Variants in LRFN1 observed in about 807,000 individuals in gnomAD.
LRFN1 encodes the protein leucine rich repeat and fibronectin type III domain containing 1, also known as leucine-rich repeat and fibronectin type III domain-containing protein 1.
In LRFN1, 20 loss-of-function variants were observed where a neutral mutation model predicts 31.8. The ratio of observed to expected loss-of-function variants is 0.63; its 90% CI spans 0.44 to 0.91. LRFN1 has a LOEUF of 0.91. LRFN1 is among the 40% of genes least tolerant of loss of function. The pLI is 0.00. For synonymous variants in LRFN1, 514 were observed against 541.3 expected (o/e 0.95, Z 0.70); for missense variants, 912 against 1,129.8 (o/e 0.81, Z 2.76).
At chr19:39,319,352 CTT>C (rs2075181009) in intron 1 of LRFN1, among the ~76,000 whole-genome samples, 1 of 152,068 alleles carries the variant, frequency 6.6e-6, no homozygotes, top group South Asian at 2.1e-4. Flanking sequence ...AGTGCACACT[CTT>C]AAATGCCTAG....
At chr19:39,320,416 G>C (rs979558697) in intron 1 of LRFN1, among the ~76,000 whole-genome samples, 1 of 151,650 alleles carries the variant, frequency 6.6e-6, no homozygotes, top group Non-Finnish European at 1.5e-5. Context: ...CAAACACCCA[G>C]AGCAGCTAGT....
chr19:39,315,396 C>T lies in LRFN1; in HGVS notation c.-37-23G>A. 7.1e-7 allele frequency: 1 copy of T among 1,400,570 alleles called. No homozygotes were observed. The allele number at this position is 1,400,570 out of a possible 1,614,324, so 86.8% of individuals were successfully genotyped here. On this transcript the variant is annotated intron_variant, in intron 3 of 4. Coordinates refer to ENST00000248668, the MANE Select transcript of LRFN1 (RefSeq NM_020862.2). The surrounding 1 kb of genome is among the most constrained non-coding windows in gnomAD (Gnocchi z 4.7). ...GACCTGCCGGGGAAGGAGCCGGTTA[C>T]CCAGGCGTGGGACTTGGCCGCCATG...
intron 1 of LRFN1, among the ~76,000 whole-genome samples, chr19:39,319,995 G>A (rs966048937): frequency 6.6e-6 from 1 of 151,876 alleles, no homozygotes; most frequent in Non-Finnish European, 1.5e-5. Context: ...GGTGGAGTGG[G>A]TGGGGAAGGG....
chr19:39,308,655 GCCGC>G lies in LRFN1; in HGVS notation c.1407-117_1407-114del. 2.1e-6 allele frequency: 2 copies of G among 952,536 alleles called. No homozygotes were observed. The highest frequency in any genetic ancestry group is 3.0e-6 in the Non-Finnish European group (2 of 658,290). 59.0% of individuals were successfully genotyped at this position (952,536 alleles called of 1,614,324 possible). ...ACTAAACCCTGCTATCGAAGTCTCA[GCCGC>G]TACTGAGACAACAGCAGCAATTCAA... On this transcript the variant is annotated intron_variant, in intron 4 of 4. Coordinates refer to ENST00000248668, the MANE Select transcript of LRFN1 (RefSeq NM_020862.2). This position sits in a 1 kb window ranked among gnomAD's most constrained non-coding sequence, Gnocchi z 6.2.
chr19:39,315,885 G>C lies in LRFN1; in HGVS notation c.-38+197C>G, dbSNP rs2145037698. Among the ~76,000 whole-genome samples, 1 of 152,268 alleles carries C rather than the reference G, an allele frequency of 6.6e-6. No homozygotes were observed. Among genetic ancestry groups the C allele is most frequent in the South Asian group, 2.1e-4 (1 of 4,826 alleles). Reference sequence around the variant, plus strand: ...AGAATACCCCTGTCCCTACTTGCGTGTCCCACCCTCACCTCTGCCCCTCCT... The same window carrying C: ...AGAATACCCCTGTCCCTACTTGCGTCTCCCACCCTCACCTCTGCCCCTCCT... On this transcript the variant is annotated intron_variant, in intron 3 of 4. Transcript: ENST00000248668. This position sits in a 1 kb window ranked among gnomAD's most constrained non-coding sequence, Gnocchi z 4.7.
At position 39,308,013 on chromosome 19, in the gene LRFN1, A is replaced by G. The variant is rs1187933272; in HGVS notation, c.1936T>C (p.Ser646Pro). The change falls in exon 5 of 5, where the codon TCG becomes CCG. Residue 646 changes from serine (S) to proline (P), a missense_variant. By Grantham distance (74) the Ser-to-Pro change is moderately conservative. This residue lies in a region of LRFN1 where 511 missense variants were observed against 557.0 expected (regional missense o/e 0.92). Coordinates refer to ENST00000248668, the MANE Select transcript of LRFN1 (RefSeq NM_020862.2). This position sits in a 1 kb window ranked among gnomAD's most constrained non-coding sequence, Gnocchi z 6.2. ...EVVLGRSLGG[S>P]ATSLCLLPSE... ...GGCAGCAGGCACAGCGAGGTGGCCG[A>G]GCCGCCCAGAGAACGTCCAAGGACC... The G allele has an allele frequency of 3.8e-6, 6 of 1,569,516 alleles. 1 individual carries two copies. In the South Asian group the frequency reaches 6.8e-5, roughly 18 times the overall value.
Position 39,314,610 on chromosome 19 carries a change from T to G in LRFN1, c.727A>C (p.Thr243Pro). ...RSQGTGPKPPTPLTVSFGGNP... is the reference protein window; with the variant it reads ...RSQGTGPKPPPPLTVSFGGNP... ...CCGCCGAAGCTGACGGTCAGCGGGG[T>G]GGGCGGCTTGGGCCCGGTGCCCTGC... is the stretch of plus-strand genomic sequence containing the variant. The change falls in exon 4 of 5, where the codon ACC becomes CCC. Residue 243 changes from threonine to proline, a missense_variant. Around this residue, in one of 2 missense-constraint regions of LRFN1, gnomAD observed 401 missense variants for 572.7 expected, o/e 0.70. Coordinates refer to ENST00000248668, the MANE Select transcript of LRFN1 (RefSeq NM_020862.2). The G allele has an allele frequency of 6.2e-7, 1 of 1,609,346 alleles. No individual in the cohort carries two copies. Among genetic ancestry groups the G allele is most frequent in the Non-Finnish European group, 8.5e-7 (1 of 1,178,026 alleles).
At chr19:39,313,859 G>C in intron 4 of LRFN1, 72 bp downstream of exon 4, 1 of 1,431,158 alleles carries the variant, frequency 7.0e-7, no homozygotes. Flanking sequence ...AAGGCCAAGG[G>C]AATGGGCAGG....
chr19:39,309,950 C>T (rs558728464), intron 4 of LRFN1, among the ~76,000 whole-genome samples: 1 of 152,232 alleles, frequency 6.6e-6, no homozygotes, highest in Non-Finnish European at 1.5e-5. Flanking sequence ...AGGCAAGTTT[C>T]TCTTTTGTTT....
rs181659895 is a variant in LRFN1, at chr19:39,307,133, C to A, written c.*500G>T. On this transcript the variant is annotated 3_prime_UTR_variant, in exon 5 of 5. Coordinates refer to ENST00000248668, the MANE Select transcript of LRFN1 (RefSeq NM_020862.2). The surrounding 1 kb of genome is among the most constrained non-coding windows in gnomAD (Gnocchi z 6.7). ...AACGAGGGAAACAGAGAAAGGGGGACCCCAAGCCAGACCCGACCGGACCAG... is the reference window on the plus strand; with the variant it reads ...AACGAGGGAAACAGAGAAAGGGGGAACCCAAGCCAGACCCGACCGGACCAG... 4,401 of 396,830 alleles carry A rather than the reference C, an allele frequency of 0.011. 32 individuals are homozygous for A. Among genetic ancestry groups the A allele is most frequent in the Non-Finnish European group, 0.013 (3,033 of 225,506 alleles). 24.6% of individuals were successfully genotyped at this position (396,830 alleles called of 1,614,324 possible). A position where few individuals can be genotyped will look rare whatever the true frequency, so the allele number is the denominator to read the frequency against.
chr19:39,309,422 C>G (rs1321080663), intron 4 of LRFN1, among the ~76,000 whole-genome samples: 1 of 136,234 alleles, frequency 7.3e-6, no homozygotes, highest in Non-Finnish European at 1.5e-5. Flanking sequence ...TCATTGCACT[C>G]TAGCTTGGGC....
chr19:39,310,192 A>G (rs1462156205), intron 4 of LRFN1, among the ~76,000 whole-genome samples: 3 of 152,206 alleles, frequency 2.0e-5, no homozygotes, highest in African/African-American at 7.2e-5. Context: ...TTCTGACCTC[A>G]GGTGATCCAT....
chr19:39,313,067 CT>C (rs1444998204), intron 4 of LRFN1, among the ~76,000 whole-genome samples: 1 of 152,138 alleles, frequency 6.6e-6, no homozygotes, highest in Non-Finnish European at 1.5e-5. Flanking sequence ...GAAAATAACT[CT>C]TTTTTTAAAA....
rs2075170242 is a variant in LRFN1, at chr19:39,315,739, A to ACC, written c.-38+342_-38+343insGG. Among the ~76,000 whole-genome samples, 1 of 152,178 alleles carries ACC rather than the reference A, an allele frequency of 6.6e-6. No individual in the cohort carries two copies. Among genetic ancestry groups the ACC allele is most frequent in the African/African-American group, 2.4e-5 (1 of 41,432 alleles). ...GAGGCTGAAGCACGAGAATCGCTTG[A>ACC]ACCAGGGAGGTGGAGGTTGCAGTGA... On this transcript the variant is annotated intron_variant, in intron 3 of 4. Coordinates refer to ENST00000248668, the MANE Select transcript of LRFN1 (RefSeq NM_020862.2). The surrounding 1 kb of genome is among the most constrained non-coding windows in gnomAD (Gnocchi z 4.7).
chr19:39,312,245 G>A (rs2145032875), intron 4 of LRFN1, among the ~76,000 whole-genome samples: 1 of 151,846 alleles, frequency 6.6e-6, no homozygotes, highest in Non-Finnish European at 1.5e-5. Flanking sequence ...AGAAAACACT[G>A]GAAAGGCAGA....
Position 39,316,899 on chromosome 19 carries a change from AC to A in LRFN1, c.-92-764del, listed in dbSNP as rs145317063. 3.3e-3 allele frequency among the ~76,000 whole-genome samples: 496 copies of A among 152,216 alleles called. 2 individuals are homozygous for A. The highest frequency in any genetic ancestry group is 0.011 in the African/African-American group (470 of 41,538). ...CTGTTTTCACCCCACCCTGCCCTGT[AC>A]CCTAGCCCCTGCTGGCCTACCTCCC... On this transcript the variant is annotated intron_variant, in intron 2 of 4. Coordinates refer to ENST00000248668, the MANE Select transcript of LRFN1 (RefSeq NM_020862.2).
Position 39,314,282 on chromosome 19 carries a change from TC to T in LRFN1, c.1054del (p.Asp352ThrfsTer6). The T allele has an allele frequency of 6.2e-7, 1 of 1,611,520 alleles. No individual in the cohort carries two copies. On this transcript the variant is annotated frameshift_variant, in exon 4 of 5. Coordinates refer to ENST00000248668, the MANE Select transcript of LRFN1 (RefSeq NM_020862.2). LOFTEE classifies it high-confidence loss of function. The stretch of plus-strand genomic sequence containing the variant: ...GGTGATGGTCACATCCAGCGTCCCG[TC>T]CCCCCGGACCCGGGTCCGGCTGGAG... ...GNSSRTRVRGDGTLDVTITTL... is the reference protein window; with the variant it reads ...GNSSRTRVRGXGTLDVTITTL...
chr19:39,310,866 C>T (rs1303428997), intron 4 of LRFN1, among the ~76,000 whole-genome samples: 2 of 152,186 alleles, frequency 1.3e-5, no homozygotes, highest in Non-Finnish European at 2.9e-5. Context: ...GAGCCACCCT[C>T]CCACCAAAAG....
rs370855853 is a variant in LRFN1 at position 39,314,111 on chromosome 19, G to A, written c.1226C>T (p.Ser409Phe). ...APPPLTEPGS[S>F]DIATPGRPGA... The stretch of plus-strand genomic sequence containing the variant: ...TGGTCTGCCCGGCGTGGCGATGTCA[G>A]AGGAGCCGGGCTCGGTGAGAGGCGG... Residue 409 changes from serine (S) to phenylalanine (F), a missense_variant, in exon 4 of 5, where the codon TCT (serine) becomes TTT (phenylalanine). Ser to Phe is a radical substitution (Grantham distance 155). This residue lies in a region of LRFN1 where 511 missense variants were observed against 557.0 expected (regional missense o/e 0.92). Transcript: ENST00000248668. 6.2e-7 allele frequency: 1 copy of A among 1,612,324 alleles called. No homozygotes were observed. Among genetic ancestry groups the A allele is most frequent in the Non-Finnish European group, 8.5e-7 (1 of 1,179,292 alleles).
Sources: gnomAD v4.1 joint callset for allele counts (sites outside exome capture counted in the v4.1 genomes callset) on GRCh38, gnomAD v4.1.1 for gene constraint, gnomAD v4.1.1 regional missense constraint, Gnocchi (gnomAD v3.1) non-coding constraint, MANE v1.5 for transcripts, NCBI Gene and HGNC (gene_info 2026-07-23, HGNC 2026-07-21) for gene names.